The following COL25A1 variants were observed in gnomAD, a reference collection of about 807,000 sequenced individuals.
COL25A1 encodes collagen type XXV alpha 1 chain.
In COL25A1, 103 loss-of-function variants were observed where a neutral mutation model predicts 128.4. The observed-to-expected ratio is 0.80, with a 90% confidence interval of 0.68 to 0.94. COL25A1 has a LOEUF of 0.94. COL25A1 is among the 40% of genes least tolerant of loss of function. The probability of loss-of-function intolerance (pLI) is 0.00; values close to 1 mark genes in which losing one functional copy is unlikely to be tolerated. For synonymous variants in COL25A1, 279 were observed against 277.2 expected, an observed-to-expected ratio of 1.01 and a Z score of -0.06; for missense variants, 745 against 840.0, an observed-to-expected ratio of 0.89 and a Z score of 1.40.
chr4:109,035,188 A>C (rs1160384858), intron 5 of COL25A1, among the ~76,000 whole-genome samples: 1 of 152,194 alleles, frequency 6.6e-6, no homozygotes, highest in Non-Finnish European at 1.5e-5. Context: ...TCAGCCAACA[A>C]AGGCACATCT....
chr4:109,068,249 C>T (rs1264715639), intron 3 of COL25A1, among the ~76,000 whole-genome samples: 4 of 152,092 alleles, frequency 2.6e-5, no homozygotes, highest in Non-Finnish European at 5.9e-5. Context: ...AAACTCAACA[C>T]AACATTGGAT....
rs547040884 is a variant in COL25A1 at position 109,105,243 on chromosome 4, G to A, written c.368-55064C>T. Among the ~76,000 whole-genome samples the A allele has an allele frequency of 2.6e-5, 4 of 152,310 alleles. No individual in the cohort carries two copies. The East Asian group carries it at 7.7e-4, about 29-fold the overall frequency. On this transcript the variant is annotated intron_variant, in intron 3 of 37. Transcript: ENST00000399132. ...AATACCAGCACTTTGGGAGGCCGAG[G>A]CAGGTGGATCACTTGAGGTCAGGAG...
At chr4:108,918,109 A>G in intron 13 of COL25A1, 63 bp downstream of exon 13, 1 of 1,035,906 alleles carries the variant, frequency 9.7e-7, no homozygotes, top group South Asian at 1.7e-5. Context: ...ATGGACTAGA[A>G]TAATTTTGTG....
At chr4:109,169,933 T>C (rs1560804808) in intron 3 of COL25A1, among the ~76,000 whole-genome samples, 3 of 152,260 alleles carry the variant, frequency 2.0e-5, no homozygotes, top group East Asian at 3.9e-4. Flanking sequence ...CTGAAAACTA[T>C]ATTAGTTCAT....
intron 5 of COL25A1, among the ~76,000 whole-genome samples, chr4:109,024,410 T>C (rs1213486858): frequency 6.6e-6 from 1 of 151,998 alleles, no homozygotes; most frequent in Non-Finnish European, 1.5e-5. Flanking sequence ...ATACAGATTA[T>C]ATATTTTCTA....
At chr4:109,083,759 C>T (rs1411860451) in intron 3 of COL25A1, among the ~76,000 whole-genome samples, 1 of 152,042 alleles carries the variant, frequency 6.6e-6, no homozygotes, top group Non-Finnish European at 1.5e-5. Context: ...GCCACCGCGT[C>T]CGGCCTAAAT....
At chr4:108,975,890 T>C (rs1380563764) in intron 6 of COL25A1, among the ~76,000 whole-genome samples, 1 of 152,114 alleles carries the variant, frequency 6.6e-6, no homozygotes, top group East Asian at 1.9e-4. Flanking sequence ...ATCTATTATA[T>C]ATTATATATT....
intron 3 of COL25A1, among the ~76,000 whole-genome samples, chr4:109,095,724 T>A (rs1375533758): frequency 6.6e-6 from 1 of 152,166 alleles, no homozygotes; most frequent in Non-Finnish European, 1.5e-5. Context: ...AAATAAAGAA[T>A]AATGGAGTAG....
intron 32 of COL25A1, among the ~76,000 whole-genome samples, chr4:108,831,687 G>GGAGA (rs3062875): frequency 0.039 from 5,590 of 144,176 alleles, 306 homozygotes; most frequent in African/African-American, 0.12. Context: ...AGAGAGAGGG[G>GGAGA]GAGAGAGAGA....
chr4:109,269,963 A>C (rs1364427560), intron 3 of COL25A1, among the ~76,000 whole-genome samples: 2 of 152,156 alleles, frequency 1.3e-5, no homozygotes, highest in Admixed American at 6.5e-5. Context: ...AGCCAAAGAC[A>C]AAAACCACAT....
At chr4:109,160,775 C>G (rs1351297248) in intron 3 of COL25A1, among the ~76,000 whole-genome samples, 1 of 152,098 alleles carries the variant, frequency 6.6e-6, no homozygotes, top group African/African-American at 2.4e-5. Flanking sequence ...GAGGAAAGAA[C>G]TAAAAATTCT....
intron 5 of COL25A1, among the ~76,000 whole-genome samples, chr4:109,031,309 G>A (rs1758834348): frequency 6.6e-6 from 1 of 151,454 alleles, no homozygotes; most frequent in African/African-American, 2.4e-5. Context: ...GTAGAGACGG[G>A]GTTTCACCGT....
intron 3 of COL25A1, among the ~76,000 whole-genome samples, chr4:109,135,367 T>C (rs1396612408): frequency 6.6e-6 from 1 of 152,220 alleles, no homozygotes; most frequent in Non-Finnish European, 1.5e-5. Context: ...TGTGTCCTTA[T>C]CATTCTTTTA....
intron 3 of COL25A1, among the ~76,000 whole-genome samples, chr4:109,122,382 G>C (rs1366707616): frequency 6.6e-6 from 1 of 151,938 alleles, no homozygotes; most frequent in Non-Finnish European, 1.5e-5. Context: ...AGGTACATGG[G>C]AATTCTCTGC....
chr4:109,045,825 C>T (rs1760376460), intron 5 of COL25A1, among the ~76,000 whole-genome samples: 1 of 152,048 alleles, frequency 6.6e-6, no homozygotes, highest in Non-Finnish European at 1.5e-5. Flanking sequence ...GGATTTGATG[C>T]TGTTTGCCAA....
intron 6 of COL25A1, among the ~76,000 whole-genome samples, chr4:108,985,186 T>C (rs1753544687): frequency 6.6e-6 from 1 of 152,180 alleles, no homozygotes; most frequent in Non-Finnish European, 1.5e-5. Context: ...TTCAGAGTCT[T>C]CTGTACCTTC....
chr4:109,256,085 G>GGGGT (rs369220694), intron 3 of COL25A1, among the ~76,000 whole-genome samples: 1 of 143,240 alleles, frequency 7.0e-6, no homozygotes, highest in South Asian at 2.2e-4. Flanking sequence ...TTTAAGCATT[G>GGGGT]GTGTGTGTGT....
rs6853020 is a variant in COL25A1, at chr4:108,898,993, A to C, written c.861+161T>G. Among the ~76,000 whole-genome samples the C allele has an allele frequency of 4.1e-3, 158 of 38,908 alleles. 1 individual carries two copies. In the East Asian group the frequency reaches 0.072, roughly 18 times the overall value. 25.5% of individuals were successfully genotyped at this position (38,908 alleles called of 152,430 possible). On this transcript the variant is annotated intron_variant, in intron 15 of 37. Coordinates refer to ENST00000399132, the MANE Select transcript of COL25A1 (RefSeq NM_198721.4). ...GAGTCATATCTATATCTATATATCT[A>C]TATATCTATATATCTATATACCTAC...
chr4:109,183,409 G>A (rs746987071), intron 3 of COL25A1, among the ~76,000 whole-genome samples: 21 of 152,148 alleles, frequency 1.4e-4, no homozygotes, highest in South Asian at 4.2e-4. Flanking sequence ...CAACCCTCAG[G>A]AGCAAACAAC....
Sources: gnomAD v4.1 joint callset for allele counts (sites outside exome capture counted in the v4.1 genomes callset) on GRCh38, gnomAD v4.1.1 for gene constraint, MANE v1.5 for transcripts, NCBI Gene and HGNC (gene_info 2026-07-23, HGNC 2026-07-21) for gene names.